SMC1A: variants seen among roughly 807,000 people sequenced by gnomAD.
SMC1A encodes structural maintenance of chromosomes protein 1A.
A neutral mutation model predicts 94.5 loss-of-function variants in SMC1A; 4 were observed. That is an observed-to-expected ratio of 0.04 (90% confidence interval 0.02 to 0.10). The LOEUF is 0.10. Among genes scored for constraint, SMC1A ranks in the 10% least tolerant of loss-of-function variants. The pLI, the probability that SMC1A is intolerant of heterozygous loss-of-function variation, is 1.00. For missense variants in SMC1A, 304 were observed against 989.0 expected (o/e 0.31, Z 9.29); for synonymous variants, 345 against 347.7 (o/e 0.99, Z 0.09).
At chrX:53,420,215 TGA>T (rs2075749311) in intron 1 of SMC1A, among the ~76,000 whole-genome samples, 1 of 111,931 alleles carries the variant, frequency 8.9e-6, no homozygotes. Context: ...AGGGTCATTT[TGA>T]GAATTTAATT....
At chrX:53,389,432 AATT>A (rs1556886877) in intron 19 of SMC1A, among the ~76,000 whole-genome samples, 1 of 111,403 alleles carries the variant, frequency 9.0e-6, no homozygotes. Context: ...GTGTAACACT[AATT>A]ATTAAGAAAT....
At chrX:53,381,171 A>C in intron 22 of SMC1A, 84 bp from the exon 23 acceptor site, 2 of 576,007 alleles carry the variant, frequency 3.5e-6, no homozygotes, top group African/African-American at 2.2e-5. Context: ...GGCCCATCAA[A>C]CAGGCCAGCT....
intron 1 of SMC1A, among the ~76,000 whole-genome samples, chrX:53,417,175 T>A (rs782398072): frequency 8.9e-6 from 1 of 112,108 alleles, no homozygotes; most frequent in Non-Finnish European, 1.9e-5. Flanking sequence ...AAGGTTTTCA[T>A]GAGGAAATCT....
At position 53,405,804 on chromosome X, in the gene SMC1A, C is replaced by T. The variant is rs7052858; in HGVS notation, c.1698G>A (p.Glu566=). Reference sequence around the variant, plus strand: ...AGTCAAGAGGCAAGAAGGTCTCAGGCTCCCCACGCTGCTCCTTGATATACT... The same window carrying T: ...AGTCAAGAGGCAAGAAGGTCTCAGGTTCCCCACGCTGCTCCTTGATATACT... ...CIQYIKEQRG[E]PETFLPLDYL... The change falls in exon 10 of 25, where the codon GAG becomes GAA. Residue 566 remains glutamate, a synonymous_variant. Transcript: ENST00000322213. 7.9e-4 allele frequency: 952 copies of T among 1,208,741 alleles called. 9 individuals carry two copies. The African/African-American group carries it at 0.015, about 20-fold the overall frequency.
At chrX:53,422,668 C>T, upstream of SMC1A, 1 of 705,837 alleles carries the variant, frequency 1.4e-6, no homozygotes, top group Non-Finnish European at 2.3e-6. Flanking sequence ...GTAGCCCGCG[C>T]GGGAAACGCC....
At chrX:53,394,982 C>T (rs1163691011) in intron 18 of SMC1A, 94 bp from the exon 19 acceptor site, 2 of 556,333 alleles carry the variant, frequency 3.6e-6, no homozygotes, top group Non-Finnish European at 6.4e-6. Context: ...TTTGAGAAAG[C>T]ACCTTGCTAG....
chrX:53,417,266 G>A (rs1229385082), intron 1 of SMC1A, among the ~76,000 whole-genome samples: 1 of 110,820 alleles, frequency 9.0e-6, no homozygotes, highest in African/African-American at 3.3e-5. Context: ...AAAAGAAAGG[G>A]TGAGCCGGGC....
chrX:53,380,959 C>G (rs1419903448), intron 23 of SMC1A, 59 bp downstream of exon 23: 11 of 1,051,784 alleles, frequency 1.0e-5, no homozygotes, highest in African/African-American at 1.9e-5. Flanking sequence ...GAGTTGCTCC[C>G]TGAAACCCAA....
At chrX:53,396,092 T>G (rs968308500) in intron 18 of SMC1A, 135 bp downstream of exon 18, 12 of 755,989 alleles carry the variant, frequency 1.6e-5, no homozygotes, top group Non-Finnish European at 2.4e-5. Flanking sequence ...TCATTTCTGC[T>G]GCATCCCTTT....
chrX:53,385,146 T>G (rs1159752657), intron 19 of SMC1A, among the ~76,000 whole-genome samples: 2 of 109,099 alleles, frequency 1.8e-5, no homozygotes, highest in East Asian at 5.7e-4. Flanking sequence ...CTGAGAAAGG[T>G]GAGGTACCAG....
chrX:53,395,570 C>G (rs1238551607), intron 18 of SMC1A, among the ~76,000 whole-genome samples: 3 of 111,257 alleles, frequency 2.7e-5, no homozygotes, highest in Non-Finnish European at 5.7e-5. Context: ...AACTGAAATG[C>G]CATTTGGAAA....
At chrX:53,394,729 A>ACAGC in intron 19 of SMC1A, 49 bp downstream of exon 19, 1 of 575,997 alleles carries the variant, frequency 1.7e-6, no homozygotes, top group Non-Finnish European at 2.9e-6. Flanking sequence ...AGATAGTCCC[A>ACAGC]CTCCCACCCA....
intron 15 of SMC1A, 142 bp from the exon 16 acceptor site, chrX:53,399,872 C>T: frequency 1.7e-6 from 1 of 580,370 alleles, no homozygotes; most frequent in Non-Finnish European, 2.7e-6. Context: ...TCACAACTTG[C>T]TTCATCCATC....
intron 18 of SMC1A, 33 bp downstream of exon 18, chrX:53,396,194 T>C (rs1556887969): frequency 8.3e-7 from 1 of 1,202,248 alleles, no homozygotes; most frequent in Non-Finnish European, 1.1e-6. Context: ...ATGATGTTCA[T>C]CGCCCACTCC....
intron 1 of SMC1A, chrX:53,421,942 A>C (rs1556892135): frequency 2.5e-6 from 3 of 1,210,296 alleles, no homozygotes; most frequent in Non-Finnish European, 3.4e-6. Flanking sequence ...AAGCATTCTA[A>C]AGACTGGAGC....
rs1556890166 is a variant in SMC1A at position 53,409,280 on chromosome X, A to T, written c.1338-11T>A. On this transcript the variant is annotated splice_polypyrimidine_tract_variant and intron_variant, in intron 8 of 24. Transcript: ENST00000322213. ...TCTTCTAGGGACTGCCTACAAAGTG[A>T]GGGCACACAGGAGTTACTCCTGCTG... is the stretch of plus-strand genomic sequence containing the variant. 1 of 1,199,916 alleles carries T rather than the reference A, an allele frequency of 8.3e-7. No individual in the cohort carries two copies. The highest frequency in any genetic ancestry group is 1.1e-6 in the Non-Finnish European group (1 of 886,932).
chrX:53,392,565 A>C (rs1223245543), intron 19 of SMC1A, among the ~76,000 whole-genome samples: 2 of 110,187 alleles, frequency 1.8e-5, no homozygotes, highest in Admixed American at 9.7e-5. Flanking sequence ...ATTCTGCCTC[A>C]GCCTTCTGAG....
intron 19 of SMC1A, among the ~76,000 whole-genome samples, chrX:53,391,515 A>G (rs935973093): frequency 9.0e-6 from 1 of 110,694 alleles, no homozygotes; most frequent in African/African-American, 3.3e-5. Flanking sequence ...ATTGAAACAT[A>G]AAAGACATCT....
intron 15 of SMC1A, among the ~76,000 whole-genome samples, chrX:53,402,431 C>T (rs1556889030): frequency 9.1e-6 from 1 of 109,940 alleles, no homozygotes; most frequent in African/African-American, 3.3e-5. Flanking sequence ...TTGTTTCAAC[C>T]AAGAATTTCA....
Sources: allele counts gnomAD v4.1 joint callset (sites outside exome capture counted in the v4.1 genomes callset), GRCh38; gene constraint gnomAD v4.1.1; transcripts MANE v1.5; gene names NCBI Gene and HGNC (gene_info 2026-07-23, HGNC 2026-07-21).